Variants in ATP10B observed in about 807,000 individuals in gnomAD.
ATP10B encodes the protein phospholipid-transporting ATPase VB.
A neutral mutation model predicts 141.2 loss-of-function variants in ATP10B; 122 were observed. The observed-to-expected ratio is 0.86, with a 90% CI of 0.75 to 1.00. ATP10B has a LOEUF of 1.00. ATP10B is among the 50% of genes least tolerant of loss of function. The probability of loss-of-function intolerance (pLI) is 0.00; values close to 1 mark genes in which losing one functional copy is unlikely to be tolerated. For synonymous variants in ATP10B, 685 were observed against 692.0 expected (o/e 0.99, Z 0.16); for missense variants, 1,876 against 1,825.3 (o/e 1.03, Z -0.51).
rs573510577 is a variant in ATP10B, at chr5:160,563,202, A to G, written c.*2251T>C. Reference sequence around the variant, plus strand: ...CAGTAAAATATCATAAAAGTATAAAAATGTACTAAGTACAATCATTAGCAT... The same window carrying G: ...CAGTAAAATATCATAAAAGTATAAAGATGTACTAAGTACAATCATTAGCAT... On this transcript the variant is annotated 3_prime_UTR_variant, in exon 26 of 26. Transcript: ENST00000327245. The G allele has an allele frequency of 1.4e-4, 21 of 152,284 alleles. No individual in the cohort carries two copies. Among genetic ancestry groups the G allele is most frequent in the African/African-American group, 5.1e-4 (21 of 41,556 alleles). The allele number at this position is 152,284 out of a possible 1,614,324, so 9.4% of individuals were successfully genotyped here. A position where few individuals can be genotyped will look rare whatever the true frequency, so the allele number is the denominator to read the frequency against.
At chr5:160,697,526 A>C (rs1392439337) in intron 3 of ATP10B, among the ~76,000 whole-genome samples, 2 of 142,688 alleles carry the variant, frequency 1.4e-5, no homozygotes, top group Admixed American at 7.0e-5. Flanking sequence ...GCTACAAAAC[A>C]TGTCCTATAA....
At chr5:160,766,302 C>T (rs1398662489) in intron 2 of ATP10B, among the ~76,000 whole-genome samples, 2 of 147,478 alleles carry the variant, frequency 1.4e-5, no homozygotes, top group African/African-American at 5.0e-5. Flanking sequence ...ACGGAACCAG[C>T]CTAAATGTCC....
At chr5:160,664,697 C>T (rs995665548) in intron 7 of ATP10B, among the ~76,000 whole-genome samples, 2 of 152,176 alleles carry the variant, frequency 1.3e-5, no homozygotes, top group African/African-American at 4.8e-5. Context: ...GGCTAGTCCG[C>T]AGATCATACT....
chr5:160,834,557 T>A (rs984677721), intron 1 of ATP10B, among the ~76,000 whole-genome samples: 3 of 152,152 alleles, frequency 2.0e-5, no homozygotes, highest in African/African-American at 7.2e-5. Context: ...TATGAAATGC[T>A]ATTGATGGAG....
chr5:160,613,708 T>C (rs1757851990), intron 17 of ATP10B, among the ~76,000 whole-genome samples: 1 of 152,246 alleles, frequency 6.6e-6, no homozygotes, highest in Non-Finnish European at 1.5e-5. Context: ...CTCATATTTT[T>C]GATAATATTC....
At chr5:160,905,567 GTCC>G in the ATP10B span, among the ~76,000 whole-genome samples, 1,191 of 152,208 alleles carry the variant, frequency 7.8e-3, 19 homozygotes, top group African/African-American at 0.027. Context: ...ACTTATGTGG[GTCC>G]TCAATTTCCT....
chr5:160,636,487 C>G (rs559497218), intron 10 of ATP10B, among the ~76,000 whole-genome samples, 178 bp from the exon 11 acceptor site: 1 of 152,254 alleles, frequency 6.6e-6, no homozygotes, highest in South Asian at 2.1e-4. Context: ...GTTCATGTTG[C>G]TCTAAAGTGG....
At chr5:160,575,574 T>TA (rs936280738) in intron 24 of ATP10B, among the ~76,000 whole-genome samples, 31 of 152,222 alleles carry the variant, frequency 2.0e-4, no homozygotes, top group Non-Finnish European at 1.5e-5. Context: ...TATCTGTAAT[T>TA]AAAAAAAGCA....
At chr5:160,864,687 C>G in the ATP10B span, among the ~76,000 whole-genome samples, 2 of 151,902 alleles carry the variant, frequency 1.3e-5, no homozygotes, top group Non-Finnish European at 2.9e-5. Context: ...AAAGACTTAT[C>G]CAAAAAGCTC....
chr5:160,722,110 C>A (rs901435481), intron 2 of ATP10B, among the ~76,000 whole-genome samples: 1 of 152,166 alleles, frequency 6.6e-6, no homozygotes. Flanking sequence ...TGGCTGTTAA[C>A]TAAACATATC....
the ATP10B span, among the ~76,000 whole-genome samples, chr5:160,927,708 G>A: frequency 1.3e-5 from 2 of 152,154 alleles, no homozygotes; most frequent in Admixed American, 6.5e-5. Context: ...CAAGCCCAGC[G>A]GACACAGTAG....
intron 1 of ATP10B, among the ~76,000 whole-genome samples, chr5:160,802,015 G>A (rs1288725298): frequency 6.6e-6 from 1 of 152,210 alleles, no homozygotes; most frequent in African/African-American, 2.4e-5. Flanking sequence ...TGCCAGCATA[G>A]TAGAGTTCCC....
intron 7 of ATP10B, among the ~76,000 whole-genome samples, chr5:160,664,263 C>G (rs1274509095): frequency 6.6e-6 from 1 of 152,174 alleles, no homozygotes; most frequent in South Asian, 2.1e-4. Context: ...AGGTTGCTAC[C>G]TTTTGCTTTA....
At chr5:160,609,092 T>C (rs1350510342) in intron 18 of ATP10B, among the ~76,000 whole-genome samples, 4 of 152,226 alleles carry the variant, frequency 2.6e-5, no homozygotes, top group Non-Finnish European at 5.9e-5. Flanking sequence ...TTAATCCATC[T>C]TGAATTAATA....
chr5:160,755,826 AAAAAAAAAAAAAATAT>A (rs1768511123), intron 2 of ATP10B, among the ~76,000 whole-genome samples: 1 of 68,614 alleles, frequency 1.5e-5, no homozygotes, highest in Non-Finnish European at 2.7e-5. Context: ...AAAAAAAAAA[AAAAAAAAAAAAAATAT>A]ATATATATAT....
intron 2 of ATP10B, among the ~76,000 whole-genome samples, chr5:160,720,969 A>C (rs1765955199): frequency 6.6e-6 from 1 of 152,228 alleles, no homozygotes. Flanking sequence ...TAATTGGCAT[A>C]AGAGTTGGTT....
intron 2 of ATP10B, among the ~76,000 whole-genome samples, chr5:160,776,555 G>C (rs1015914497): frequency 6.6e-6 from 1 of 152,184 alleles, no homozygotes; most frequent in Non-Finnish European, 1.5e-5. Flanking sequence ...AAATGTACCA[G>C]GTTGACACAG....
intron 12 of ATP10B, chr5:160,633,304 C>G (rs1759070594): frequency 1.3e-5 from 2 of 152,238 alleles, no homozygotes; most frequent in Admixed American, 1.3e-4. Flanking sequence ...AGACTTGGAA[C>G]CAACCCCAGT....
At chr5:160,866,613 G>T in the ATP10B span, among the ~76,000 whole-genome samples, 1 of 152,226 alleles carries the variant, frequency 6.6e-6, no homozygotes, top group African/African-American at 2.4e-5. Context: ...TTAAGAGGTT[G>T]CAGTAAGCTG....
Sources: allele counts gnomAD v4.1 joint callset (sites outside exome capture counted in the v4.1 genomes callset), GRCh38; gene constraint gnomAD v4.1.1; transcripts MANE v1.5; gene names NCBI Gene and HGNC (gene_info 2026-07-23, HGNC 2026-07-21).